Variants in PRICKLE1 observed in about 807,000 individuals in gnomAD.
PRICKLE1 encodes the protein prickle planar cell polarity protein 1, also known as prickle-like protein 1.
In PRICKLE1, 14 loss-of-function variants were observed where a neutral mutation model predicts 70.2. The observed-to-expected ratio is 0.20, with a 90% CI of 0.13 to 0.31. The LOEUF (loss-of-function observed/expected upper bound fraction) is 0.31. Ranked by LOEUF, PRICKLE1 falls within the 10% of genes least tolerant of loss-of-function variation. The pLI is 1.00. For missense variants in PRICKLE1, 821 were observed against 1,026.2 expected (o/e 0.80, Z 2.73); for synonymous variants, 357 against 379.9 (o/e 0.94, Z 0.70).
rs1566076890 is a variant in PRICKLE1, at chr12:42,460,579, TCTC to T, written c.1723_1725del (p.Glu575del). ...TTCAAAGTTCCCATATTGCTCATCT[TCTC>T]ACAATCTTCTGTTTCCATCTCCTCA... On this transcript the variant is annotated inframe_deletion, in exon 8 of 8. Transcript: ENST00000345127. The T allele has an allele frequency of 1.9e-6, 3 of 1,614,018 alleles. No homozygotes were observed.
intron 1 of PRICKLE1, among the ~76,000 whole-genome samples, chr12:42,559,589 T>C (rs954535548): frequency 1.4e-4 from 15 of 110,596 alleles, no homozygotes; most frequent in Non-Finnish European, 7.8e-5. Context: ...TGTGTGTTTA[T>C]GTGTGTGTGT....
chr12:42,460,807 T>A, intron 7 of PRICKLE1, 142 bp from the exon 8 acceptor site: 2 of 901,070 alleles, frequency 2.2e-6, no homozygotes, highest in Non-Finnish European at 3.5e-6. Flanking sequence ...AAAGCCAACA[T>A]GTATCTATGC....
chr12:42,586,808 T>A (rs1940993578), intron 1 of PRICKLE1, among the ~76,000 whole-genome samples: 2 of 152,222 alleles, frequency 1.3e-5, no homozygotes, highest in Non-Finnish European at 2.9e-5. Context: ...GAAATTATGA[T>A]GCAACTTTTA....
chr12:42,560,932 T>C (rs1452705755), intron 1 of PRICKLE1, among the ~76,000 whole-genome samples: 1 of 152,196 alleles, frequency 6.6e-6, no homozygotes, highest in African/African-American at 2.4e-5. Flanking sequence ...AACAAAAATG[T>C]CTTACAGGAT....
chr12:42,481,076 GTT>G (rs1222303696), intron 1 of PRICKLE1, among the ~76,000 whole-genome samples: 1 of 152,162 alleles, frequency 6.6e-6, no homozygotes, highest in African/African-American at 2.4e-5. Context: ...GCCAAAGACA[GTT>G]TTGAGTATTA....
chr12:42,527,680 T>A (rs1275717813), intron 1 of PRICKLE1, among the ~76,000 whole-genome samples: 2 of 151,976 alleles, frequency 1.3e-5, no homozygotes, highest in Non-Finnish European at 2.9e-5. Flanking sequence ...GTGAACAAAG[T>A]GGTGGGCTGG....
intron 1 of PRICKLE1, chr12:42,483,785 G>C (rs1938900646): frequency 6.6e-6 from 1 of 151,276 alleles, no homozygotes; most frequent in Non-Finnish European, 1.5e-5. Flanking sequence ...CAGCCGTGAG[G>C]CATCCCACAA....
chr12:42,571,000 A>G (rs1940702791), intron 1 of PRICKLE1, among the ~76,000 whole-genome samples: 1 of 152,220 alleles, frequency 6.6e-6, no homozygotes, highest in African/African-American at 2.4e-5. Context: ...AATGTCAACA[A>G]TAACTCAGTT....
chr12:42,551,666 A>G (rs1330130494), intron 1 of PRICKLE1, among the ~76,000 whole-genome samples: 2 of 152,144 alleles, frequency 1.3e-5, no homozygotes, highest in Non-Finnish European at 2.9e-5. Flanking sequence ...ATTAGGGCCA[A>G]TTGCTTGAAG....
intron 1 of PRICKLE1, among the ~76,000 whole-genome samples, chr12:42,511,987 C>G (rs1176290389): frequency 6.6e-6 from 1 of 152,174 alleles, no homozygotes; most frequent in East Asian, 1.9e-4. Flanking sequence ...TGATCTGCAT[C>G]TGACTCCCCT....
chr12:42,545,526 T>C (rs1264598492), intron 1 of PRICKLE1, among the ~76,000 whole-genome samples: 2 of 152,230 alleles, frequency 1.3e-5, no homozygotes, highest in East Asian at 3.9e-4. Context: ...TTTAGTATGT[T>C]CTTGGAAAAC....
At chr12:42,582,458 C>T (rs1473149935) in intron 1 of PRICKLE1, among the ~76,000 whole-genome samples, 2 of 152,240 alleles carry the variant, frequency 1.3e-5, no homozygotes, top group Non-Finnish European at 2.9e-5. Context: ...CTCTAATGCG[C>T]TTCAGACCTA....
intron 1 of PRICKLE1, among the ~76,000 whole-genome samples, chr12:42,475,076 A>C (rs1015066547): frequency 1.3e-5 from 2 of 152,228 alleles, no homozygotes; most frequent in Non-Finnish European, 2.9e-5. Flanking sequence ...CAACGTTAGC[A>C]CTACATGCCA....
chr12:42,574,638 A>C (rs1407718395), intron 1 of PRICKLE1, among the ~76,000 whole-genome samples: 1 of 152,248 alleles, frequency 6.6e-6, no homozygotes, highest in Non-Finnish European at 1.5e-5. Flanking sequence ...CATATTGAAA[A>C]ATCACATATT....
chr12:42,513,495 C>A (rs75654474), intron 1 of PRICKLE1, among the ~76,000 whole-genome samples: 2 of 151,872 alleles, frequency 1.3e-5, no homozygotes, highest in African/African-American at 4.8e-5. Flanking sequence ...TAGGCTGCAG[C>A]GTGCTATGAT....
At chr12:42,550,143 T>G (rs1194269995) in intron 1 of PRICKLE1, 2 of 152,384 alleles carry the variant, frequency 1.3e-5, no homozygotes, top group African/African-American at 4.8e-5. Context: ...TTTCTCCTTC[T>G]GTCCTCCAAC....
rs1169665838 is a variant in PRICKLE1, at chr12:42,589,725, A to T, written c.-309T>A. On this transcript the variant is annotated 5_prime_UTR_variant, in exon 1 of 8. Coordinates refer to ENST00000345127, the MANE Select transcript of PRICKLE1 (RefSeq NM_153026.3). The surrounding 1 kb of genome is among the most constrained non-coding windows in gnomAD (Gnocchi z 5.0). ...GGCGGCCGCGGGAGACGGCGCTGGC[A>T]GCTGGGCTGCAGGCGGAGTGCGCTC... The T allele has an allele frequency of 6.7e-6, 1 of 149,396 alleles. No individual in the cohort carries two copies. Among genetic ancestry groups the T allele is most frequent in the Middle Eastern group, 3.2e-3 (1 of 314 alleles). The allele number at this position is 149,396 out of a possible 1,614,324, so 9.3% of individuals were successfully genotyped here. A position where few individuals can be genotyped will look rare whatever the true frequency, so the allele number is the denominator to read the frequency against.
chr12:42,468,727 C>A lies in PRICKLE1; in HGVS notation c.487G>T (p.Glu163Ter). The part of the protein sequence containing the change: ...PSCFVCFTCN[E>*]LLVDLIYFYQ... ...AAATAGATGAGGTCGACCAGCAGCT[C>A]ATTACACGTGAAACAGACAAAACAG... Residue 163 changes from glutamate to a stop codon, truncating the protein, a stop_gained, in exon 5 of 8, where the codon GAG (glutamate) becomes TAG (stop). Coordinates refer to ENST00000345127, the MANE Select transcript of PRICKLE1 (RefSeq NM_153026.3). LOFTEE classifies it high-confidence loss of function. 1 of 1,614,138 alleles carries A rather than the reference C, an allele frequency of 6.2e-7. No individual in the cohort carries two copies. Among genetic ancestry groups the A allele is most frequent in the Non-Finnish European group, 8.5e-7 (1 of 1,180,038 alleles).
chr12:42,474,360 A>C (rs1364210045), intron 1 of PRICKLE1, among the ~76,000 whole-genome samples: 1 of 152,250 alleles, frequency 6.6e-6, no homozygotes, highest in Non-Finnish European at 1.5e-5. Flanking sequence ...ACATTGTAAC[A>C]GTTCATAAAT....
Sources: allele counts gnomAD v4.1 joint callset (sites outside exome capture counted in the v4.1 genomes callset), GRCh38; gene constraint gnomAD v4.1.1; non-coding constraint Gnocchi (gnomAD v3.1); transcripts MANE v1.5; gene names NCBI Gene and HGNC (gene_info 2026-07-23, HGNC 2026-07-21).